The following STRN4 variants were observed in gnomAD, a reference collection of about 807,000 sequenced individuals.
STRN4 encodes the protein striatin-4.
STRN4 carries 27 observed loss-of-function variants against 77.9 expected under a neutral mutation model. The observed-to-expected ratio is 0.35, with a 90% CI of 0.26 to 0.48. The LOEUF is 0.48. Among genes scored for constraint, STRN4 ranks in the 20% least tolerant of loss-of-function variants. STRN4 has a pLI of 0.99. For synonymous variants in STRN4, 466 were observed against 443.1 expected (o/e 1.05, Z -0.65); for missense variants, 798 against 1,049.7 (o/e 0.76, Z 3.31).
chr19:46,727,615 G>A (rs756543787), intron 8 of STRN4, 69 bp from the exon 9 acceptor site: 25 of 1,287,548 alleles, frequency 1.9e-5, no homozygotes, highest in Non-Finnish European at 2.1e-5. Flanking sequence ...GGGAGAGAGA[G>A]AATGACAGAG....
At chr19:46,734,106 T>A (rs1422540400) in intron 4 of STRN4, among the ~76,000 whole-genome samples, 2 of 152,026 alleles carry the variant, frequency 1.3e-5, no homozygotes, top group Non-Finnish European at 2.9e-5. Flanking sequence ...GAGGCTCCTA[T>A]CTCCCCACCA....
rs905724983 is a variant in STRN4, at chr19:46,741,529, C to T, written c.283-2641G>A. ...TGGCCAGTCTCTCCCTCGCTGCAAA[C>T]GCCAGCAGCCCCCACGGGCTGTCTG... On this transcript the variant is annotated intron_variant, in intron 1 of 17. Coordinates refer to ENST00000263280, the MANE Select transcript of STRN4 (RefSeq NM_013403.3). This position sits in a 1 kb window ranked among gnomAD's most constrained non-coding sequence, Gnocchi z 4.9. 5.9e-5 allele frequency among the ~76,000 whole-genome samples: 9 copies of T among 152,208 alleles called. No homozygotes were observed. The highest frequency in any genetic ancestry group is 2.0e-4 in the Admixed American group (3 of 15,286).
intron 6 of STRN4, 50 bp downstream of exon 6, chr19:46,730,682 A>T: frequency 6.3e-7 from 1 of 1,599,002 alleles, no homozygotes; most frequent in East Asian, 2.2e-5. Context: ...AAGGGCTTCG[A>T]TCAGGTCACA....
chr19:46,735,655 C>T (rs913026706), intron 4 of STRN4, among the ~76,000 whole-genome samples: 9 of 152,156 alleles, frequency 5.9e-5, no homozygotes, highest in African/African-American at 9.7e-5. Context: ...GCACAAATCT[C>T]TTCAGCAATT....
rs1185979552 is a variant in STRN4, at chr19:46,720,209, C to T, written c.*196G>A. ...GGTGATTCCTGAAAGGGGCCCATCCCCAGGCTGGATGCTTGGGGAAGGCAG... is the reference window on the plus strand; with the variant it reads ...GGTGATTCCTGAAAGGGGCCCATCCTCAGGCTGGATGCTTGGGGAAGGCAG... On this transcript the variant is annotated 3_prime_UTR_variant, in exon 18 of 18. Coordinates refer to ENST00000263280, the MANE Select transcript of STRN4 (RefSeq NM_013403.3). 5.9e-6 allele frequency: 1 copy of T among 169,550 alleles called. No homozygotes were observed. The highest frequency in any genetic ancestry group is 1.3e-5 in the Non-Finnish European group (1 of 79,638). 10.5% of individuals were successfully genotyped at this position (169,550 alleles called of 1,614,324 possible).
At chr19:46,727,589 G>A in intron 8 of STRN4, 43 bp from the exon 9 acceptor site, 1 of 1,507,138 alleles carries the variant, frequency 6.6e-7, no homozygotes, top group Non-Finnish European at 9.2e-7. Context: ...AGGGGAGGGA[G>A]GGGCAGAGAG....
chr19:46,739,943 A>C (rs551337442), intron 1 of STRN4, among the ~76,000 whole-genome samples: 1 of 152,218 alleles, frequency 6.6e-6, no homozygotes, highest in Non-Finnish European at 1.5e-5. Flanking sequence ...AAATGGGCCC[A>C]GTTCCTTACG....
At chr19:46,727,703 CAG>C in intron 8 of STRN4, 157 bp from the exon 9 acceptor site, 4 of 759,188 alleles carry the variant, frequency 5.3e-6, no homozygotes, top group Non-Finnish European at 8.6e-6. Flanking sequence ...TGGAAAGAGA[CAG>C]AGAGACAGAC....
In STRN4 at chr19:46,733,277, GC is replaced by G; in HGVS notation, c.540-42del. ...GCCACGTGGGTCAGACATCCCCTGG[GC>G]TTCTTCATGTACCACAGGGGCCAAT... is the stretch of plus-strand genomic sequence containing the variant. On this transcript the variant is annotated intron_variant, in intron 4 of 17. Transcript: ENST00000263280. This position sits in a 1 kb window ranked among gnomAD's most constrained non-coding sequence, Gnocchi z 4.3. The G allele has an allele frequency of 6.3e-7, 1 of 1,584,664 alleles. No homozygotes were observed. The highest frequency in any genetic ancestry group is 8.6e-7 in the Non-Finnish European group (1 of 1,167,590).
chr19:46,744,455 C>T lies in STRN4; in HGVS notation c.282+1694G>A, dbSNP rs1212403418. On this transcript the variant is annotated intron_variant, in intron 1 of 17. Coordinates refer to ENST00000263280, the MANE Select transcript of STRN4 (RefSeq NM_013403.3). ...CTGGAGTGCAGTGGTGCAATCATGG[C>T]TCACCGCAGCCTCAACCTCCGGGGT... 2.6e-5 allele frequency among the ~76,000 whole-genome samples: 4 copies of T among 152,284 alleles called. No individual in the cohort carries two copies. The East Asian group carries it at 7.7e-4, about 29-fold the overall frequency.
chr19:46,728,638 T>C lies in STRN4; in HGVS notation c.1019A>G (p.Asp340Gly). Residue 340 changes from aspartate to glycine, a missense_variant, in exon 7 of 18, where the codon GAT (aspartate) becomes GGT (glycine). Physicochemically the swap from Asp to Gly is moderately conservative, Grantham distance 94. Transcript: ENST00000263280. Reference protein sequence around the residue: ...GAPDPRRCTVDGSPHELESRR... With the variant: ...GAPDPRRCTVGGSPHELESRR... ...CTCACCCAGCTCATGGGGGCTCCCA[T>C]CCACAGTGCACCGCCGAGGGTCTGG... The C allele has an allele frequency of 6.2e-7, 1 of 1,613,806 alleles. No homozygotes were observed. The highest frequency in any genetic ancestry group is 8.5e-7 in the Non-Finnish European group (1 of 1,179,908).
chr19:46,743,918 A>AAAATAAAT (rs201868012), intron 1 of STRN4, among the ~76,000 whole-genome samples: 1 of 151,792 alleles, frequency 6.6e-6, no homozygotes, highest in East Asian at 1.9e-4. Flanking sequence ...AATAAAAATA[A>AAAATAAAT]AAATAAATAA....
At chr19:46,728,524 A>G in intron 7 of STRN4, 94 bp downstream of exon 7, 1 of 1,465,904 alleles carries the variant, frequency 6.8e-7, no homozygotes, top group East Asian at 2.4e-5. Context: ...CGGTAGAGAG[A>G]CCCTGTACAG....
In STRN4 at chr19:46,723,044, A is replaced by G. The variant is rs1283051345; in HGVS notation, c.1765+70T>C. 7.6e-6 allele frequency: 12 copies of G among 1,581,286 alleles called. No individual in the cohort carries two copies. The highest frequency in any genetic ancestry group is 5.7e-5 in the South Asian group (5 of 88,492). Reference sequence around the variant, plus strand: ...CAGTGGGTGGGAGGCCTGGGGCCTCAGCAGGAACCACTCTGATAGCCTCCA... The same window carrying G: ...CAGTGGGTGGGAGGCCTGGGGCCTCGGCAGGAACCACTCTGATAGCCTCCA... On this transcript the variant is annotated intron_variant, in intron 13 of 17. Coordinates refer to ENST00000263280, the MANE Select transcript of STRN4 (RefSeq NM_013403.3). The surrounding 1 kb of genome is among the most constrained non-coding windows in gnomAD (Gnocchi z 5.5).
At chr19:46,725,064 C>A in intron 11 of STRN4, 136 bp from the exon 12 acceptor site, 1 of 1,369,086 alleles carries the variant, frequency 7.3e-7, no homozygotes, top group East Asian at 2.4e-5. Flanking sequence ...GGCCATGCTA[C>A]CTGGACAAGC....
At chr19:46,727,770 C>G in intron 8 of STRN4, 124 bp downstream of exon 8, 1 of 918,834 alleles carries the variant, frequency 1.1e-6, no homozygotes, top group Non-Finnish European at 1.6e-6. Context: ...ACTTTTGGGG[C>G]AGGGAGGCTG....
chr19:46,723,002 T>C lies in STRN4; in HGVS notation c.1766-52A>G. On this transcript the variant is annotated intron_variant, in intron 13 of 17. Transcript: ENST00000263280. This position sits in a 1 kb window ranked among gnomAD's most constrained non-coding sequence, Gnocchi z 5.5. The stretch of plus-strand genomic sequence containing the variant: ...CTGAATGGACCCTCAGACCCAGCCC[T>C]GCCCCAGGGTGGGGGACAGTGGGTG... The C allele has an allele frequency of 6.2e-7, 1 of 1,606,812 alleles. No homozygotes were observed. Among genetic ancestry groups the C allele is most frequent in the Admixed American group, 1.7e-5 (1 of 59,762 alleles).
intron 1 of STRN4, 153 bp downstream of exon 1, chr19:46,745,996 T>TC (rs2054586159): frequency 1.1e-6 from 1 of 938,822 alleles, no homozygotes; most frequent in African/African-American, 1.8e-5. Flanking sequence ...GGACGGCCCC[T>TC]CACTCGCCCT....
chr19:46,740,402 T>C (rs1480816217), intron 1 of STRN4: 1 of 152,142 alleles, frequency 6.6e-6, no homozygotes, highest in Non-Finnish European at 1.5e-5. Flanking sequence ...AACACATATG[T>C]ATATAAACAT....
Sources: gnomAD v4.1 joint callset for allele counts (sites outside exome capture counted in the v4.1 genomes callset) on GRCh38, gnomAD v4.1.1 for gene constraint, Gnocchi (gnomAD v3.1) non-coding constraint, MANE v1.5 for transcripts, NCBI Gene and HGNC (gene_info 2026-07-23, HGNC 2026-07-21) for gene names.